The following MLLT6 variants were observed in gnomAD, a reference collection of about 807,000 sequenced individuals.
MLLT6 encodes the protein MLLT6, PHD finger containing, also known as protein AF-17.
A neutral mutation model predicts 103.0 loss-of-function variants in MLLT6; 22 were observed. The ratio of observed to expected loss-of-function variants is 0.21; its 90% CI spans 0.15 to 0.31. The LOEUF (loss-of-function observed/expected upper bound fraction) is 0.31, where lower values mean the gene tolerates loss of function less well. Ranked by LOEUF, MLLT6 falls within the 10% of genes least tolerant of loss-of-function variation. MLLT6 has a pLI of 1.00. For synonymous variants in MLLT6, 606 were observed against 623.5 expected, an observed-to-expected ratio of 0.97 and a Z score of 0.42; for missense variants, 1,199 against 1,441.7, an observed-to-expected ratio of 0.83 and a Z score of 2.73.
intron 6 of MLLT6, among the ~76,000 whole-genome samples, chr17:38,710,033 G>A (rs1905090551): frequency 6.6e-6 from 1 of 152,196 alleles, no homozygotes; most frequent in Non-Finnish European, 1.5e-5. Flanking sequence ...GCTCACTGAG[G>A]TCATATAACT....
rs75234834 is a variant in MLLT6, at chr17:38,724,370, A to T, written c.2884-250A>T. 5.5e-3 allele frequency: 2,552 copies of T among 465,054 alleles called. 54 individuals are homozygous for T. The highest frequency in any genetic ancestry group is 0.046 in the African/African-American group (2,305 of 49,938). The allele number at this position is 465,054 out of a possible 1,614,324, so 28.8% of individuals were successfully genotyped here. ...GGTGATTCTGTGGGCAGGGCCAGAG[A>T]TATTAAATACCCTGCTGTTGGCCGG... On this transcript the variant is annotated intron_variant, in intron 18 of 19. Transcript: ENST00000621332. The surrounding 1 kb of genome is among the most constrained non-coding windows in gnomAD (Gnocchi z 5.4).
intron 14 of MLLT6, 59 bp from the exon 15 acceptor site, chr17:38,720,311 GGT>G: frequency 8.1e-6 from 1 of 122,710 alleles, no homozygotes. Flanking sequence ...CCCCGCCCCC[GGT>G]CCCCTGGCCC....
chr17:38,712,423 A>G (rs1245341637), intron 7 of MLLT6, among the ~76,000 whole-genome samples: 4 of 152,184 alleles, frequency 2.6e-5, no homozygotes, highest in Non-Finnish European at 5.9e-5. Context: ...TGCAGGTGTT[A>G]TGTTCACGCG....
Position 38,709,099 on chromosome 17 carries a change from G to A in MLLT6, c.355-74G>A. On this transcript the variant is annotated intron_variant, in intron 4 of 19. Transcript: ENST00000621332. The surrounding 1 kb of genome is among the most constrained non-coding windows in gnomAD (Gnocchi z 4.3). ...AAGACTGTAGAGAGCAAATGGAATG[G>A]AGGGGGTGGCCTAAGGACCATCAGT... 1.9e-6 allele frequency: 2 copies of A among 1,069,756 alleles called. No individual in the cohort carries two copies. The highest frequency in any genetic ancestry group is 2.8e-6 in the Non-Finnish European group (2 of 713,636). 66.3% of individuals were successfully genotyped at this position (1,069,756 alleles called of 1,614,324 possible). A position where few individuals can be genotyped will look rare whatever the true frequency, so the allele number is the denominator to read the frequency against.
intron 14 of MLLT6, 124 bp from the exon 15 acceptor site, chr17:38,720,248 C>T: frequency 1.0e-6 from 1 of 964,156 alleles, no homozygotes; most frequent in Non-Finnish European, 1.5e-6. Flanking sequence ...ACCTGTGTCC[C>T]TCCTTAGGAT....
chr17:38,712,156 G>T lies in MLLT6; in HGVS notation c.720+142G>T, dbSNP rs759417579. The T allele has an allele frequency of 4.1e-4, 556 of 1,369,902 alleles. 2 individuals carry two copies. The highest frequency in any genetic ancestry group is 1.1e-3 in the Admixed American group (32 of 29,078). 84.9% of individuals were successfully genotyped at this position (1,369,902 alleles called of 1,614,324 possible). A position where few individuals can be genotyped will look rare whatever the true frequency, so the allele number is the denominator to read the frequency against. On this transcript the variant is annotated intron_variant, in intron 7 of 19. Coordinates refer to ENST00000621332, the MANE Select transcript of MLLT6 (RefSeq NM_005937.4). ...CTCTGAGGCCACTGAGGGCAGGAGG[G>T]GGCTGAAATGAAACGGTGGGGGGGT...
At chr17:38,725,141 C>T in intron 19 of MLLT6, 165 bp downstream of exon 19, 1 of 582,092 alleles carries the variant, frequency 1.7e-6, no homozygotes, top group East Asian at 3.0e-5. Flanking sequence ...CACATGGGTG[C>T]CCTCCTGCAC....
At position 38,727,652 on chromosome 17, in the gene MLLT6, G is replaced by A. The variant is rs952173661; in HGVS notation, c.*2054G>A. On this transcript the variant is annotated 3_prime_UTR_variant, in exon 20 of 20. Transcript: ENST00000621332. ...ACCCCGTCTCTATCAAAAATTAGCCGGGCATGGTGGCACGTGCCTGTAATC... is the reference window on the plus strand; with the variant it reads ...ACCCCGTCTCTATCAAAAATTAGCCAGGCATGGTGGCACGTGCCTGTAATC... 3.1e-5 allele frequency: 6 copies of A among 192,112 alleles called. No homozygotes were observed. The highest frequency in any genetic ancestry group is 4.3e-5 in the Non-Finnish European group (4 of 92,194). The allele number at this position is 192,112 out of a possible 1,614,324, so 11.9% of individuals were successfully genotyped here. A position where few individuals can be genotyped will look rare whatever the true frequency, so the allele number is the denominator to read the frequency against.
chr17:38,718,302 G>T (rs1437223704), intron 12 of MLLT6: 2 of 216,670 alleles, frequency 9.2e-6, no homozygotes, highest in Non-Finnish European at 1.8e-5. Context: ...TTGAACGTGG[G>T]AGGCGGAGGT....
At position 38,716,468 on chromosome 17, in the gene MLLT6, C is replaced by T. The variant is rs1286384177; in HGVS notation, c.1138C>T (p.Pro380Ser). 2 of 1,614,074 alleles carry T rather than the reference C, an allele frequency of 1.2e-6. No individual in the cohort carries two copies. The highest frequency in any genetic ancestry group is 1.1e-5 in the South Asian group (1 of 91,086). Residue 380 changes from proline (P) to serine (S), a missense_variant, in exon 10 of 20, where the codon CCT becomes TCT. Around this residue, in one of 7 missense-constraint regions of MLLT6, gnomAD observed 1,034 missense variants for 1,091.5 expected, o/e 0.95. Coordinates refer to ENST00000621332, the MANE Select transcript of MLLT6 (RefSeq NM_005937.4). The surrounding 1 kb of genome is among the most constrained non-coding windows in gnomAD (Gnocchi z 5.6). ...GCCCACAGCCCCCGCCCCTTCAGCC[C>T]CTCCTTCTCCCTCAGCTCCCGAGCC... ...SKPTAPAPSA[P>S]PSPSAPEPPK...
chr17:38,705,458 AGGAGGAGGACGC>A lies in MLLT6; in HGVS notation c.-165_-154del, dbSNP rs1443839057. The A allele has an allele frequency of 1.2e-5, 5 of 419,544 alleles. No individual in the cohort carries two copies. Among genetic ancestry groups the A allele is most frequent in the Non-Finnish European group, 1.7e-5 (4 of 231,964 alleles). The allele number at this position is 419,544 out of a possible 1,614,324, so 26.0% of individuals were successfully genotyped here. On this transcript the variant is annotated 5_prime_UTR_variant, in exon 1 of 20. Transcript: ENST00000621332. ...CCAGACAGAGCGAGCGAGGAGGAGGAGGAGGAGGACGCGGAGGAGGAGGAAGGAGGAGGCAAA... is the reference window on the plus strand; with the variant it reads ...CCAGACAGAGCGAGCGAGGAGGAGGAGGAGGAGGAGGAAGGAGGAGGCAAA...
At chr17:38,720,304 C>T (rs1905641079) in intron 14 of MLLT6, 68 bp from the exon 15 acceptor site, 3 of 685,584 alleles carry the variant, frequency 4.4e-6, no homozygotes, top group Admixed American at 2.7e-5. Flanking sequence ...CTCCAGGCCC[C>T]GCCCCCGGTC....
chr17:38,708,974 A>G, intron 4 of MLLT6, 199 bp from the exon 5 acceptor site: 1 of 563,136 alleles, frequency 1.8e-6, no homozygotes. Context: ...CCATAGTTCA[A>G]GTGCTTATAG....
In MLLT6 at chr17:38,717,080, A is replaced by G. The variant is rs75086056; in HGVS notation, c.1651+99A>G. On this transcript the variant is annotated intron_variant, in intron 10 of 19. Coordinates refer to ENST00000621332, the MANE Select transcript of MLLT6 (RefSeq NM_005937.4). ...CTTAGAAGGAAATGGGATGGATACCACTCCAAAAGATAGAGCACGGAGGAG... is the reference window on the plus strand; with the variant it reads ...CTTAGAAGGAAATGGGATGGATACCGCTCCAAAAGATAGAGCACGGAGGAG... 3,151 of 1,520,884 alleles carry G rather than the reference A, an allele frequency of 2.1e-3. 75 individuals are homozygous for G. In the African/African-American group the frequency reaches 0.039, roughly 19 times the overall value. The allele number at this position is 1,520,884 out of a possible 1,614,324, so 94.2% of individuals were successfully genotyped here.
chr17:38,706,602 G>C (rs1286531473), intron 1 of MLLT6: 1 of 220,158 alleles, frequency 4.5e-6, no homozygotes, highest in African/African-American at 2.3e-5. Flanking sequence ...GTGTTTGACG[G>C]TCGTGACTGT....
intron 16 of MLLT6, 132 bp downstream of exon 16, chr17:38,720,879 C>G: frequency 1.3e-6 from 1 of 770,524 alleles, no homozygotes; most frequent in Non-Finnish European, 2.1e-6. Flanking sequence ...CCATTCAGTC[C>G]TCCCTTAATC....
Position 38,726,549 on chromosome 17 carries a change from G to A in MLLT6, c.*951G>A, listed in dbSNP as rs1273583379. 1 of 233,764 alleles carries A rather than the reference G, an allele frequency of 4.3e-6. No individual in the cohort carries two copies. Among genetic ancestry groups the A allele is most frequent in the Non-Finnish European group, 8.5e-6 (1 of 118,100 alleles). The allele number at this position is 233,764 out of a possible 1,614,324, so 14.5% of individuals were successfully genotyped here. ...CACCAACTTTGGTCCCTCTCTGGGG[G>A]CATGAATGGTTAACAAACACCAGAG... On this transcript the variant is annotated 3_prime_UTR_variant, in exon 20 of 20. Transcript: ENST00000621332.
At position 38,715,844 on chromosome 17, in the gene MLLT6, CG is replaced by C; in HGVS notation, c.1036+19del. 1 of 1,570,484 alleles carries C rather than the reference CG, an allele frequency of 6.4e-7. No individual in the cohort carries two copies. The highest frequency in any genetic ancestry group is 1.9e-5 in the Admixed American group (1 of 52,572). On this transcript the variant is annotated intron_variant, in intron 9 of 19. Coordinates refer to ENST00000621332, the MANE Select transcript of MLLT6 (RefSeq NM_005937.4). ...CAGCCTGCAGGTGAGTGTGGGCATC[CG>C]GGAGGAAGCTGGGAGCAGGGAAAGC...
Position 38,724,710 on chromosome 17 carries a change from C to A in MLLT6, c.2974C>A (p.Pro992Thr), listed in dbSNP as rs1905928343. 6.2e-7 allele frequency: 1 copy of A among 1,613,094 alleles called. No homozygotes were observed. Among genetic ancestry groups the A allele is most frequent in the Non-Finnish European group, 8.5e-7 (1 of 1,179,834 alleles). ...RLQMAGGSQL[P>T]MASLLAGSST... is the part of the protein sequence containing the mutation. ...GCAGATGGCTGGGGGCTCCCAGCTG[C>A]CCATGGCCAGCCTGCTGGCAGGAAG... The change falls in exon 19 of 20, where the codon CCC becomes ACC. Residue 992 changes from proline (P) to threonine (T), a missense_variant. Pro to Thr is a conservative substitution (Grantham distance 38, BLOSUM62 -1). Coordinates refer to ENST00000621332, the MANE Select transcript of MLLT6 (RefSeq NM_005937.4). This position sits in a 1 kb window ranked among gnomAD's most constrained non-coding sequence, Gnocchi z 5.4.
Sources: allele counts gnomAD v4.1 joint callset (sites outside exome capture counted in the v4.1 genomes callset), GRCh38; gene constraint gnomAD v4.1.1; regional missense constraint gnomAD v4.1.1; non-coding constraint Gnocchi (gnomAD v3.1); transcripts MANE v1.5; gene names NCBI Gene and HGNC (gene_info 2026-07-23, HGNC 2026-07-21).